Variants in EPHX2 observed in about 807,000 individuals in gnomAD.
The protein encoded by EPHX2 is epoxide hydrolase 2.
Under a neutral mutation model 78.7 loss-of-function variants are expected in EPHX2, and 74 were observed. The ratio of observed to expected loss-of-function variants is 0.94; its 90% CI spans 0.78 to 1.14. The LOEUF (loss-of-function observed/expected upper bound fraction) is 1.14. Ranked by LOEUF, EPHX2 falls within the 50% of genes most tolerant of loss-of-function variation. The pLI, the probability that EPHX2 is intolerant of heterozygous loss-of-function variation, is 0.00. For synonymous variants in EPHX2, 251 were observed against 255.2 expected (o/e 0.98, Z 0.16); for missense variants, 715 against 702.5 (o/e 1.02, Z -0.20).
chr8:27,525,402 C>G lies in EPHX2; in HGVS notation c.1099C>G (p.Pro367Ala). ...GAATACTCCCTTCATACCAGCAAAT[C>G]CCAACATGTCCCCTTTGGAGAGTAT... ...SLNTPFIPAN[P>A]NMSPLESIKA... Residue 367 changes from proline (P) to alanine (A), a missense_variant, in exon 12 of 19, where the codon CCC becomes GCC. By Grantham distance (27) the Pro-to-Ala change is conservative (BLOSUM62 -1). Transcript: ENST00000521400. 1 of 1,614,158 alleles carries G rather than the reference C, an allele frequency of 6.2e-7. No individual in the cohort carries two copies. The highest frequency in any genetic ancestry group is 8.5e-7 in the Non-Finnish European group (1 of 1,180,020).
chr8:27,518,486 A>G (rs72475860), intron 9 of EPHX2, among the ~76,000 whole-genome samples: 9 of 152,322 alleles, frequency 5.9e-5, no homozygotes, highest in African/African-American at 2.2e-4. Flanking sequence ...TTCCTGCTCT[A>G]AGACAGGTGT....
intron 1 of EPHX2, among the ~76,000 whole-genome samples, chr8:27,498,431 C>T (rs934364588): frequency 6.6e-6 from 1 of 151,558 alleles, no homozygotes; most frequent in Non-Finnish European, 1.5e-5. Flanking sequence ...TTTTAATGAC[C>T]ACCTGCCCTT....
intron 5 of EPHX2, among the ~76,000 whole-genome samples, 157 bp downstream of exon 5, chr8:27,507,151 C>T (rs951052640): frequency 3.0e-4 from 45 of 152,186 alleles, no homozygotes; most frequent in African/African-American, 9.9e-4. Flanking sequence ...GCAGTCAGCA[C>T]GATGTCCCTA....
rs915238833 is a variant in EPHX2 at position 27,538,730 on chromosome 8, G to C, written c.1276+38G>C. ...CTTGGGAGAGCCATATCTGGAACCA[G>C]CTGAATGTTAAAGGGATGTTTCTGT... is the stretch of plus-strand genomic sequence containing the variant. On this transcript the variant is annotated intron_variant, in intron 14 of 18. Coordinates refer to ENST00000521400, the MANE Select transcript of EPHX2 (RefSeq NM_001979.6). 6 of 1,604,432 alleles carry C rather than the reference G, an allele frequency of 3.7e-6. No homozygotes were observed. The African/African-American group carries it at 8.0e-5, about 21-fold the overall frequency.
chr8:27,526,356 C>T (rs901043967), intron 12 of EPHX2, among the ~76,000 whole-genome samples: 5 of 152,240 alleles, frequency 3.3e-5, no homozygotes, highest in Non-Finnish European at 5.9e-5. Context: ...AAGCTCCCAG[C>T]GGCATTTTGA....
At chr8:27,503,831 TC>T (rs1359634777) in intron 3 of EPHX2, 68 bp downstream of exon 3, 10 of 1,523,986 alleles carry the variant, frequency 6.6e-6, no homozygotes, top group Non-Finnish European at 7.9e-6. Context: ...TAGGTCAGAA[TC>T]CATTGAAGTG....
Position 27,502,085 on chromosome 8 carries a change from A to G in EPHX2, c.186+1075A>G, listed in dbSNP as rs112696240. Among the ~76,000 whole-genome samples, 878 of 152,330 alleles carry G rather than the reference A, an allele frequency of 5.8e-3. 9 individuals carry two copies. Among genetic ancestry groups the G allele is most frequent in the South Asian group, 0.027 (132 of 4,822 alleles). On this transcript the variant is annotated intron_variant, in intron 2 of 18. Transcript: ENST00000521400. ...ACATTCTCAGCGCTGTAGGCAACAC[A>G]TAACCCCGCTCTGGATACCATCCCT...
Position 27,491,176 on chromosome 8 carries a change from C to T in EPHX2, c.-33C>T, listed in dbSNP as rs756108612. ...CTTCGCGCATCTCCCAGGTTAGCTG[C>T]GTGTCCGGGTGCTAGGCTGCAGACC... On this transcript the variant is annotated 5_prime_UTR_variant, in exon 1 of 19. Coordinates refer to ENST00000521400, the MANE Select transcript of EPHX2 (RefSeq NM_001979.6). 22 of 1,547,988 alleles carry T rather than the reference C, an allele frequency of 1.4e-5. No individual in the cohort carries two copies. The highest frequency in any genetic ancestry group is 2.8e-5 in the African/African-American group (2 of 72,560).
chr8:27,504,408 A>G (rs1463231928), intron 3 of EPHX2, among the ~76,000 whole-genome samples: 2 of 152,214 alleles, frequency 1.3e-5, no homozygotes, highest in Non-Finnish European at 2.9e-5. Flanking sequence ...GGTTAGGCAG[A>G]TAAAGCCAGG....
chr8:27,504,097 G>A (rs920265147), intron 3 of EPHX2, among the ~76,000 whole-genome samples: 1 of 152,214 alleles, frequency 6.6e-6, no homozygotes, highest in African/African-American at 2.4e-5. Context: ...TTTAGCAACT[G>A]TGATTTTCTT....
rs73558122 is a variant in EPHX2 at position 27,540,552 on chromosome 8, A to G, written c.1277-2A>G. ...AAAGTCAACAAGTGGCTTTTTTTGC[A>G]GGAGGACTTTTTGTAAATAGCCCAG... On this transcript the variant is annotated splice_acceptor_variant, in intron 14 of 18. Coordinates refer to ENST00000521400, the MANE Select transcript of EPHX2 (RefSeq NM_001979.6). LOFTEE classifies it high-confidence loss of function. The G allele has an allele frequency of 1.3e-5, 21 of 1,613,964 alleles. No homozygotes were observed. The African/African-American group carries it at 2.7e-4, about 20-fold the overall frequency.
At chr8:27,508,131 G>A (rs116374786) in intron 5 of EPHX2, among the ~76,000 whole-genome samples, 2,023 of 152,118 alleles carry the variant, frequency 0.013, 38 homozygotes, top group African/African-American at 0.046. Context: ...CTACAACCCC[G>A]TCTCTACTAA....
At chr8:27,505,175 A>G in intron 4 of EPHX2, 29 bp downstream of exon 4, 2 of 1,610,782 alleles carry the variant, frequency 1.2e-6, no homozygotes, top group South Asian at 1.1e-5. Flanking sequence ...ATGGCAGAGA[A>G]GGATGTTCAG....
At chr8:27,494,956 C>G (rs1378173024) in intron 1 of EPHX2, among the ~76,000 whole-genome samples, 2 of 152,194 alleles carry the variant, frequency 1.3e-5, no homozygotes, top group Non-Finnish European at 1.5e-5. Flanking sequence ...TGTTCCATAC[C>G]AAGGGTCCTT....
At position 27,507,002 on chromosome 8, in the gene EPHX2, G is replaced by C; in HGVS notation, c.660+8G>C. The C allele has an allele frequency of 6.2e-7, 1 of 1,613,232 alleles. No homozygotes were observed. Among genetic ancestry groups the C allele is most frequent in the Middle Eastern group, 1.8e-4 (1 of 5,648 alleles). ...AAAGTGACCGGAATCCAGGTAACTT[G>C]ACTTCTGAGCGAGCCAAGCTTCCTG... On this transcript the variant is annotated splice_region_variant and intron_variant, in intron 5 of 18. Coordinates refer to ENST00000521400, the MANE Select transcript of EPHX2 (RefSeq NM_001979.6).
At chr8:27,544,114 C>T (rs1815504784) in intron 17 of EPHX2, 72 bp from the exon 18 acceptor site, 1 of 1,555,296 alleles carries the variant, frequency 6.4e-7, no homozygotes, top group South Asian at 1.1e-5. Flanking sequence ...GCGTCCATTG[C>T]CCATTGCACT....
chr8:27,521,227 A>G (rs1814636330), intron 10 of EPHX2, among the ~76,000 whole-genome samples: 1 of 152,246 alleles, frequency 6.6e-6, no homozygotes, highest in Non-Finnish European at 1.5e-5. Context: ...AATATTTCTC[A>G]GCTCTTTAAA....
chr8:27,503,475 T>C, intron 2 of EPHX2, 129 bp from the exon 3 acceptor site: 1 of 1,084,372 alleles, frequency 9.2e-7, no homozygotes, highest in Non-Finnish European at 1.3e-6. Context: ...TATGTTGGCA[T>C]TTCCAGTGGG....
chr8:27,501,763 A>C (rs995706884), intron 2 of EPHX2, among the ~76,000 whole-genome samples: 1 of 152,268 alleles, frequency 6.6e-6, no homozygotes, highest in East Asian at 1.9e-4. Flanking sequence ...AGTAATTGCT[A>C]TGAAAATCCT....
Sources: gnomAD v4.1 joint callset for allele counts (sites outside exome capture counted in the v4.1 genomes callset) on GRCh38, gnomAD v4.1.1 for gene constraint, MANE v1.5 for transcripts, NCBI Gene and HGNC (gene_info 2026-07-23, HGNC 2026-07-21) for gene names.